The following DBNL variants were observed in gnomAD, a reference collection of about 807,000 sequenced individuals.
DBNL encodes the protein drebrin like, also known as drebrin-like protein.
DBNL carries 35 observed loss-of-function variants against 62.2 expected under a neutral mutation model. The ratio of observed to expected loss-of-function variants is 0.56; its 90% CI spans 0.43 to 0.75. The LOEUF (loss-of-function observed/expected upper bound fraction) is 0.75, where lower values mean the gene tolerates loss of function less well. Ranked by LOEUF, DBNL falls within the 30% of genes least tolerant of loss-of-function variation. The probability of loss-of-function intolerance (pLI) is 0.00; values close to 1 mark genes in which losing one functional copy is unlikely to be tolerated. For synonymous variants in DBNL, 197 were observed against 218.0 expected, an observed-to-expected ratio of 0.90 and a Z score of 0.85; for missense variants, 495 against 578.4, an observed-to-expected ratio of 0.86 and a Z score of 1.48.
chr7:44,060,248 T>C lies in DBNL; in HGVS notation c.1153+95T>C. On this transcript the variant is annotated intron_variant, in intron 12 of 12. Coordinates refer to ENST00000448521, the MANE Select transcript of DBNL (RefSeq NM_001014436.3). This position sits in a 1 kb window ranked among gnomAD's most constrained non-coding sequence, Gnocchi z 6.3. ...TTTATGGGAAGATGGCACCAGGGGGTATCAGGAAGAGAAGACAGGAGGGTG... is the reference window on the plus strand; with the variant it reads ...TTTATGGGAAGATGGCACCAGGGGGCATCAGGAAGAGAAGACAGGAGGGTG... The C allele has an allele frequency of 8.6e-7, 1 of 1,162,426 alleles. No individual in the cohort carries two copies. The highest frequency in any genetic ancestry group is 1.4e-5 in the South Asian group (1 of 71,992). The allele number at this position is 1,162,426 out of a possible 1,614,324, so 72.0% of individuals were successfully genotyped here.
Position 44,064,793 on chromosome 7 carries a change from G to GGGCCC in DBNL, c.*3877_*3878insGGCCC. 10 of 1,136,900 alleles carry GGGCCC rather than the reference G, an allele frequency of 8.8e-6. No homozygotes were observed. Among genetic ancestry groups the GGGCCC allele is most frequent in the East Asian group, 2.5e-5 (1 of 40,028 alleles). The allele number at this position is 1,136,900 out of a possible 1,614,324, so 70.4% of individuals were successfully genotyped here. A position where few individuals can be genotyped will look rare whatever the true frequency, so the allele number is the denominator to read the frequency against. On this transcript the variant is annotated 3_prime_UTR_variant, in exon 13 of 13. Coordinates refer to ENST00000448521, the MANE Select transcript of DBNL (RefSeq NM_001014436.3). ...AGATGAGAAGCCAGCTGGGGCTGCT[G>GGGCCC]CCCACCCACCCTGCCCAGGCTCCTG...
At position 44,062,512 on chromosome 7, in the gene DBNL, T is replaced by C. The variant is rs2096151095; in HGVS notation, c.*1596T>C. ...CATGGTTACTAAGTGGCTCTGAAGC[T>C]TCAGGGTCACCACAGGCTTGTCCTG... On this transcript the variant is annotated 3_prime_UTR_variant, in exon 13 of 13. Coordinates refer to ENST00000448521, the MANE Select transcript of DBNL (RefSeq NM_001014436.3). 1.8e-5 allele frequency: 10 copies of C among 542,620 alleles called. No homozygotes were observed. Among genetic ancestry groups the C allele is most frequent in the South Asian group, 8.1e-5 (4 of 49,192 alleles). The allele number at this position is 542,620 out of a possible 1,614,324, so 33.6% of individuals were successfully genotyped here.
Position 44,064,793 on chromosome 7 carries a change from G to GGGCC in DBNL, c.*3877_*3878insGGCC. ...AGATGAGAAGCCAGCTGGGGCTGCT[G>GGGCC]CCCACCCACCCTGCCCAGGCTCCTG... On this transcript the variant is annotated 3_prime_UTR_variant, in exon 13 of 13. Coordinates refer to ENST00000448521, the MANE Select transcript of DBNL (RefSeq NM_001014436.3). The GGGCC allele has an allele frequency of 8.8e-6, 10 of 1,136,958 alleles. No individual in the cohort carries two copies. The highest frequency in any genetic ancestry group is 2.5e-5 in the East Asian group (1 of 40,040). The allele number at this position is 1,136,958 out of a possible 1,614,324, so 70.4% of individuals were successfully genotyped here.
intron 4 of DBNL, among the ~76,000 whole-genome samples, chr7:44,054,632 G>A (rs117456684): frequency 0.015 from 2,220 of 152,210 alleles, 23 homozygotes; most frequent in Non-Finnish European, 0.023. Context: ...TTTTCTTTGT[G>A]TTGGGAACAT....
At chr7:44,045,375 G>A (rs2096115315) in intron 1 of DBNL, among the ~76,000 whole-genome samples, 1 of 152,224 alleles carries the variant, frequency 6.6e-6, no homozygotes, top group Non-Finnish European at 1.5e-5. Flanking sequence ...GTGGACTTCA[G>A]AACTTTCGTT....
chr7:44,056,386 T>C (rs1245663278), intron 4 of DBNL, among the ~76,000 whole-genome samples: 2 of 152,340 alleles, frequency 1.3e-5, no homozygotes, highest in East Asian at 3.9e-4. Flanking sequence ...TCAGGGTCTT[T>C]TGTGGCTTCC....
At chr7:44,054,472 C>T (rs562776304) in intron 4 of DBNL, among the ~76,000 whole-genome samples, 5 of 152,242 alleles carry the variant, frequency 3.3e-5, no homozygotes, top group South Asian at 4.2e-4. Flanking sequence ...GGATTACAGG[C>T]GAGAGCCACC....
chr7:44,057,924 C>T, intron 6 of DBNL, 65 bp downstream of exon 6: 2 of 1,604,460 alleles, frequency 1.2e-6, no homozygotes, highest in Non-Finnish European at 1.7e-6. Flanking sequence ...CTCATCTTTC[C>T]TCACAAGTGA....
At chr7:44,058,321 A>G in intron 7 of DBNL, 41 bp downstream of exon 7, 1 of 1,588,598 alleles carries the variant, frequency 6.3e-7, no homozygotes, top group Non-Finnish European at 8.6e-7. Flanking sequence ...ACCCACCCTG[A>G]GGCATTGCTG....
rs1288969173 is a variant in DBNL at position 44,060,915 on chromosome 7, G to A, written c.1292G>A (p.Ter431=). ...GCCAACTACGTGGAGCTCATTGAGT[G>A]AGGCTGAGGGCACATCTTGCCCTTC... ...FPANYVELIE[*] Residue 431 remains the stop codon, a stop_retained_variant, in exon 13 of 13, where the codon TGA becomes TAA. Transcript: ENST00000448521. This position sits in a 1 kb window ranked among gnomAD's most constrained non-coding sequence, Gnocchi z 6.3. 9.9e-6 allele frequency: 16 copies of A among 1,613,736 alleles called. No individual in the cohort carries two copies. Among genetic ancestry groups the A allele is most frequent in the Non-Finnish European group, 1.4e-5 (16 of 1,179,858 alleles).
chr7:44,060,750 A>G lies in DBNL; in HGVS notation c.1154-27A>G, dbSNP rs1454042888. 10 of 1,605,400 alleles carry G rather than the reference A, an allele frequency of 6.2e-6. No homozygotes were observed. The highest frequency in any genetic ancestry group is 3.4e-5 in the Admixed American group (2 of 59,640). On this transcript the variant is annotated intron_variant, in intron 12 of 12. Transcript: ENST00000448521. This position sits in a 1 kb window ranked among gnomAD's most constrained non-coding sequence, Gnocchi z 6.3. ...TGGGATGTGGGAGGGAGCCCCTGAT[A>G]TGCATCTGGGCTCATCCTCTTTGCA...
chr7:44,054,576 C>T (rs547084556), intron 4 of DBNL, among the ~76,000 whole-genome samples: 21 of 152,220 alleles, frequency 1.4e-4, no homozygotes, highest in East Asian at 7.7e-4. Context: ...ACAATGTATA[C>T]GATGAATCAG....
In DBNL at chr7:44,064,519, G is replaced by C. The variant is rs2096155281; in HGVS notation, c.*3603G>C. 2.4e-6 allele frequency: 1 copy of C among 420,238 alleles called. No individual in the cohort carries two copies. The highest frequency in any genetic ancestry group is 2.2e-5 in the South Asian group (1 of 45,204). The allele number at this position is 420,238 out of a possible 1,614,324, so 26.0% of individuals were successfully genotyped here. A position where few individuals can be genotyped will look rare whatever the true frequency, so the allele number is the denominator to read the frequency against. ...CACAGTAAGTTGGGATTTGGAGCCA[G>C]ATGCTCTAAGCCCAGCCCTTCCGTT... is the stretch of plus-strand genomic sequence containing the variant. On this transcript the variant is annotated 3_prime_UTR_variant, in exon 13 of 13. Transcript: ENST00000448521.
At chr7:44,044,927 T>C (rs6964599) in intron 1 of DBNL, 107 bp downstream of exon 1, 130,522 of 1,174,808 alleles carry the variant, frequency 0.11, 8,466 homozygotes, top group African/African-American at 0.26. Flanking sequence ...CGCGGAGCGG[T>C]GCCCAGGCAG....
Position 44,060,110 on chromosome 7 carries a change from T to G in DBNL, c.1110T>G (p.Ser370Arg). 1 of 1,613,596 alleles carries G rather than the reference T, an allele frequency of 6.2e-7. No individual in the cohort carries two copies. Among genetic ancestry groups the G allele is most frequent in the Non-Finnish European group, 8.5e-7 (1 of 1,179,892 alleles). Residue 370 changes from serine (S) to arginine (R), a missense_variant, in exon 12 of 13, where the codon AGT becomes AGG. Transcript: ENST00000448521. This position sits in a 1 kb window ranked among gnomAD's most constrained non-coding sequence, Gnocchi z 6.3. ...IDHHIQGQGLSGQGLCARALY... is the reference protein window; with the variant it reads ...IDHHIQGQGLRGQGLCARALY... ...ACCACATTCAGGGCCAGGGGCTCAG[T>G]GGGCAAGGGCTCTGTGCCCGTGCCC...
At chr7:44,052,027 T>A in intron 3 of DBNL, 85 bp downstream of exon 3, 1 of 1,206,992 alleles carries the variant, frequency 8.3e-7, no homozygotes, top group Non-Finnish European at 1.2e-6. Context: ...AGGAACAAAG[T>A]GTTTTACTGG....
chr7:44,062,438 T>C lies in DBNL; in HGVS notation c.*1522T>C, dbSNP rs11767165. The C allele has an allele frequency of 0.26, 96,671 of 378,590 alleles. 13,543 individuals carry two copies. The highest frequency in any genetic ancestry group is 0.42 in the African/African-American group (19,986 of 48,066). 23.5% of individuals were successfully genotyped at this position (378,590 alleles called of 1,614,324 possible). ...GGTCCTTGCTCCCCATGGGGAGAGCTGGGTCACTTGGCCTCTTCTAACTGG... is the reference window on the plus strand; with the variant it reads ...GGTCCTTGCTCCCCATGGGGAGAGCCGGGTCACTTGGCCTCTTCTAACTGG... On this transcript the variant is annotated 3_prime_UTR_variant, in exon 13 of 13. Coordinates refer to ENST00000448521, the MANE Select transcript of DBNL (RefSeq NM_001014436.3).
In DBNL at chr7:44,056,799, G is replaced by C; in HGVS notation, c.370G>C (p.Glu124Gln). Residue 124 changes from glutamate to glutamine, a missense_variant, in exon 5 of 13, where the codon GAG becomes CAG. Transcript: ENST00000448521. ...TINARAEEDVEPECIMEKVAK... is the reference protein window; with the variant it reads ...TINARAEEDVQPECIMEKVAK... Reference sequence around the variant, plus strand: ...CAACGCACGGGCCGAGGAGGATGTGGAGCCTGAGTGCATCATGGAGAAGGT... The same window carrying C: ...CAACGCACGGGCCGAGGAGGATGTGCAGCCTGAGTGCATCATGGAGAAGGT... The C allele has an allele frequency of 6.2e-7, 1 of 1,614,094 alleles. No individual in the cohort carries two copies. The highest frequency in any genetic ancestry group is 8.5e-7 in the Non-Finnish European group (1 of 1,180,026).
rs1358608340 is a variant in DBNL, at chr7:44,059,716, T to C, written c.1047+58T>C. The C allele has an allele frequency of 1.3e-5, 19 of 1,479,850 alleles. No individual in the cohort carries two copies. Among genetic ancestry groups the C allele is most frequent in the Non-Finnish European group, 1.6e-5 (18 of 1,104,070 alleles). 91.7% of individuals were successfully genotyped at this position (1,479,850 alleles called of 1,614,324 possible). A position where few individuals can be genotyped will look rare whatever the true frequency, so the allele number is the denominator to read the frequency against. On this transcript the variant is annotated intron_variant, in intron 11 of 12. Transcript: ENST00000448521. The surrounding 1 kb of genome is among the most constrained non-coding windows in gnomAD (Gnocchi z 4.1). Reference sequence around the variant, plus strand: ...GGGGCTGCATACTCAGGAACACTTATCACGGGCCGCCTGAGTTTTCTGGGG... The same window carrying C: ...GGGGCTGCATACTCAGGAACACTTACCACGGGCCGCCTGAGTTTTCTGGGG...
Sources: gnomAD v4.1 joint callset for allele counts (sites outside exome capture counted in the v4.1 genomes callset) on GRCh38, gnomAD v4.1.1 for gene constraint, Gnocchi (gnomAD v3.1) non-coding constraint, MANE v1.5 for transcripts, NCBI Gene and HGNC (gene_info 2026-07-23, HGNC 2026-07-21) for gene names.